Variants in THSD7B observed in about 807,000 individuals in gnomAD.
THSD7B encodes thrombospondin type 1 domain containing 7B, also known as thrombospondin type-1 domain-containing protein 7B.
A neutral mutation model predicts 213.6 loss-of-function variants in THSD7B; 138 were observed. The ratio of observed to expected loss-of-function variants is 0.65; its 90% CI spans 0.56 to 0.74. The LOEUF (loss-of-function observed/expected upper bound fraction) is 0.74, where lower values mean the gene tolerates loss of function less well. Ranked by LOEUF, THSD7B falls within the 30% of genes least tolerant of loss-of-function variation. The pLI is 0.00. For synonymous variants in THSD7B, 742 were observed against 687.0 expected, an observed-to-expected ratio of 1.08 and a Z score of -1.25; for missense variants, 1,931 against 1,991.5, an observed-to-expected ratio of 0.97 and a Z score of 0.58.
At chr2:137,400,811 GC>G (rs1178764674) in intron 12 of THSD7B, among the ~76,000 whole-genome samples, 1 of 152,172 alleles carries the variant, frequency 6.6e-6, no homozygotes, top group Non-Finnish European at 1.5e-5. Context: ...GGTGGATTGG[GC>G]CATGGAACCC....
At chr2:137,137,288 G>C (rs4954471) in intron 5 of THSD7B, among the ~76,000 whole-genome samples, 106,683 of 151,978 alleles carry the variant, frequency 0.7, 39,443 homozygotes, top group Non-Finnish European at 0.82. Flanking sequence ...TCCACTTCCA[G>C]TCCTAACCCC....
chr2:137,257,995 T>G (rs1427788689), intron 10 of THSD7B, among the ~76,000 whole-genome samples: 8 of 152,174 alleles, frequency 5.3e-5, no homozygotes, highest in Non-Finnish European at 1.0e-4. Context: ...TAGGTTCTTA[T>G]GAGGATTGAG....
chr2:137,116,440 G>A (rs573892199), intron 5 of THSD7B, among the ~76,000 whole-genome samples: 1 of 152,258 alleles, frequency 6.6e-6, no homozygotes, highest in South Asian at 2.1e-4. Context: ...AAGGCTCCAG[G>A]TTAGTTTTTC....
intron 2 of THSD7B, among the ~76,000 whole-genome samples, chr2:136,969,499 A>G (rs1685370964): frequency 6.6e-6 from 1 of 152,202 alleles, no homozygotes; most frequent in Non-Finnish European, 1.5e-5. Context: ...CATGTTGTAG[A>G]ATCTCGAAAA....
chr2:136,890,477 CTTCTCCTTTCTTCTCCTTTCTTCTCCT>C (rs1462237742), intron 2 of THSD7B, among the ~76,000 whole-genome samples: 195 of 1,330 alleles, frequency 0.15, 89 homozygotes, highest in South Asian at 1. Context: ...CTTCTCCTTT[CTTCTCCTTTCTTCTCCTTTCTTCTCCT>C]TTCTTCTTCT....
intron 2 of THSD7B, among the ~76,000 whole-genome samples, chr2:136,933,664 C>G (rs1384088236): frequency 6.8e-6 from 1 of 147,544 alleles, no homozygotes; most frequent in African/African-American, 2.4e-5. Context: ...ATTTTAATTG[C>G]ATCGCTATCT....
At chr2:136,996,941 G>A (rs1400942084) in intron 2 of THSD7B, among the ~76,000 whole-genome samples, 1 of 152,140 alleles carries the variant, frequency 6.6e-6, no homozygotes, top group East Asian at 1.9e-4. Flanking sequence ...TTTATTGAAT[G>A]CATTTTTGAA....
intron 15 of THSD7B, among the ~76,000 whole-genome samples, chr2:137,497,861 G>T (rs989365679): frequency 6.6e-6 from 1 of 152,020 alleles, no homozygotes; most frequent in Non-Finnish European, 1.5e-5. Context: ...AACTAATATT[G>T]GTTTTCATGG....
intron 2 of THSD7B, among the ~76,000 whole-genome samples, chr2:137,002,526 GA>G (rs1363795369): frequency 6.6e-6 from 1 of 152,110 alleles, no homozygotes; most frequent in Non-Finnish European, 1.5e-5. Flanking sequence ...CTTCATGTAA[GA>G]GGCTCTTTTC....
At chr2:137,587,187 C>T (rs182724608) in intron 17 of THSD7B, among the ~76,000 whole-genome samples, 3 of 152,192 alleles carry the variant, frequency 2.0e-5, no homozygotes, top group Non-Finnish European at 4.4e-5. Context: ...TCACCTCCAT[C>T]AGGTCCTTTA....
At chr2:137,142,587 A>C (rs1460143946) in intron 5 of THSD7B, among the ~76,000 whole-genome samples, 1 of 152,140 alleles carries the variant, frequency 6.6e-6, no homozygotes, top group African/African-American at 2.4e-5. Context: ...TGATATTATC[A>C]AATTTTTTGG....
intron 2 of THSD7B, among the ~76,000 whole-genome samples, chr2:136,977,810 T>TTTGTTTG: frequency 6.7e-6 from 1 of 149,086 alleles, no homozygotes; most frequent in East Asian, 1.9e-4. Flanking sequence ...TGTTTTTTTT[T>TTTGTTTG]TTTTTTTTTT....
chr2:136,930,577 C>T (rs147810972), intron 2 of THSD7B, among the ~76,000 whole-genome samples: 190 of 152,104 alleles, frequency 1.2e-3, no homozygotes, highest in African/African-American at 4.0e-3. Context: ...AAAGTGGTAC[C>T]CAGCTAGAAA....
At chr2:137,528,374 G>A (rs1371497085) in intron 15 of THSD7B, among the ~76,000 whole-genome samples, 1 of 152,042 alleles carries the variant, frequency 6.6e-6, no homozygotes, top group Non-Finnish European at 1.5e-5. Flanking sequence ...TTCCTCATCT[G>A]TTAAGTACAG....
chr2:137,056,686 CATGGACTGCAGCACCGG>C lies in THSD7B; in HGVS notation c.411_427del (p.Leu138AlafsTer14). 1 of 1,613,990 alleles carries C rather than the reference CATGGACTGCAGCACCGG, an allele frequency of 6.2e-7. No homozygotes were observed. The highest frequency in any genetic ancestry group is 8.5e-7 in the Non-Finnish European group (1 of 1,179,882). On this transcript the variant is annotated frameshift_variant, in exon 3 of 28. Transcript: ENST00000409968. LOFTEE classifies it high-confidence loss of function. ...GACTGCAGAGTGTGTGACGGCTCAG[CATGGACTGCAGCACCGG>C]ATGGTGCGCTGCATTCAGAAGCTGA...
chr2:137,021,545 CTA>C (rs1253466358), intron 2 of THSD7B, among the ~76,000 whole-genome samples: 1 of 152,096 alleles, frequency 6.6e-6, no homozygotes, highest in African/African-American at 2.4e-5. Flanking sequence ...AAAAATTAAA[CTA>C]TTTATTTTGT....
At chr2:137,343,845 A>T (rs1332653791) in intron 12 of THSD7B, among the ~76,000 whole-genome samples, 1 of 151,818 alleles carries the variant, frequency 6.6e-6, no homozygotes, top group Admixed American at 6.6e-5. Flanking sequence ...CGAATGCATA[A>T]CTTCATTCTT....
At chr2:136,999,082 A>T (rs79152049) in intron 2 of THSD7B, among the ~76,000 whole-genome samples, 2,671 of 152,170 alleles carry the variant, frequency 0.018, 75 homozygotes, top group African/African-American at 0.061. Context: ...TATTTTATGT[A>T]TTCCTTATTT....
At chr2:137,288,905 G>A (rs951776148) in intron 12 of THSD7B, among the ~76,000 whole-genome samples, 3 of 152,012 alleles carry the variant, frequency 2.0e-5, no homozygotes, top group African/African-American at 4.8e-5. Flanking sequence ...GCAAACTGGT[G>A]TGATGAAAAG....
Sources: allele counts gnomAD v4.1 joint callset (sites outside exome capture counted in the v4.1 genomes callset), GRCh38; gene constraint gnomAD v4.1.1; transcripts MANE v1.5; gene names NCBI Gene and HGNC (gene_info 2026-07-23, HGNC 2026-07-21).